SLC26A2: variants seen among roughly 807,000 people sequenced by gnomAD.
SLC26A2 encodes the protein sulfate transporter.
Under a neutral mutation model 41.1 loss-of-function variants are expected in SLC26A2, and 36 were observed. The ratio of observed to expected loss-of-function variants is 0.88; its 90% CI spans 0.67 to 1.16. The LOEUF is 1.16. SLC26A2 is among the 50% of genes most tolerant of loss of function. The pLI, the probability that SLC26A2 is intolerant of heterozygous loss-of-function variation, is 0.00. For missense variants in SLC26A2, 796 were observed against 869.6 expected, an observed-to-expected ratio of 0.92 and a Z score of 1.07; for synonymous variants, 291 against 311.6, an observed-to-expected ratio of 0.93 and a Z score of 0.70.
Position 149,982,656 on chromosome 5 carries a change from T to C in SLC26A2, c.*843T>C, listed in dbSNP as rs914697962. ...TTCAGTTATTCTAGTTTGTTTCCCA[T>C]GGAATCTGTCCTAAACTGGTGTTTT... On this transcript the variant is annotated 3_prime_UTR_variant, in exon 3 of 3. Transcript: ENST00000286298. 1 of 152,228 alleles carries C rather than the reference T, an allele frequency of 6.6e-6. No individual in the cohort carries two copies. The highest frequency in any genetic ancestry group is 2.4e-5 in the African/African-American group (1 of 41,452). 9.4% of individuals were successfully genotyped at this position (152,228 alleles called of 1,614,324 possible). A position where few individuals can be genotyped will look rare whatever the true frequency, so the allele number is the denominator to read the frequency against.
chr5:149,969,722 C>A (rs891490089), intron 1 of SLC26A2, among the ~76,000 whole-genome samples: 1 of 152,212 alleles, frequency 6.6e-6, no homozygotes, highest in Admixed American at 6.5e-5. Context: ...ATCCTTCACT[C>A]CAGCCTTATC....
rs769575035 is a variant in SLC26A2, at chr5:149,980,994, C to T, written c.1401C>T (p.Val467=). 7 of 1,614,070 alleles carry T rather than the reference C, an allele frequency of 4.3e-6. No individual in the cohort carries two copies. The highest frequency in any genetic ancestry group is 5.1e-6 in the Non-Finnish European group (6 of 1,179,972). Residue 467 remains valine (V), a synonymous_variant, in exon 3 of 3, where the codon GTC becomes GTT. Transcript: ENST00000286298. The part of the protein sequence containing the change: ...GVVTALVLLL[V]LLVIAPLFYS... ...TAACAGCCCTGGTTCTTTTGTTGGT[C>T]CTCCTAGTAATAGCTCCTTTGTTCT...
At chr5:149,971,565 G>A (rs1035290372) in intron 1 of SLC26A2, among the ~76,000 whole-genome samples, 9 of 151,806 alleles carry the variant, frequency 5.9e-5, no homozygotes, top group Non-Finnish European at 1.5e-5. Context: ...ACGCCTGGCT[G>A]ACTTTTCTAT....
Position 149,981,004 on chromosome 5 carries a change from A to C in SLC26A2, c.1411A>C (p.Ile471Leu), listed in dbSNP as rs1203147428. 3 of 1,614,024 alleles carry C rather than the reference A, an allele frequency of 1.9e-6. No individual in the cohort carries two copies. In the African/African-American group the frequency reaches 4.0e-5, roughly 22 times the overall value. The change falls in exon 3 of 3, where the codon ATA (isoleucine) becomes CTA (leucine). Residue 471 changes from isoleucine to leucine, a missense_variant. Coordinates refer to ENST00000286298, the MANE Select transcript of SLC26A2 (RefSeq NM_000112.4). Reference protein sequence around the residue: ...ALVLLLVLLVIAPLFYSLQKS... With the variant: ...ALVLLLVLLVLAPLFYSLQKS... ...GGTTCTTTTGTTGGTCCTCCTAGTA[A>C]TAGCTCCTTTGTTCTATTCCCTTCA...
intron 2 of SLC26A2, among the ~76,000 whole-genome samples, chr5:149,979,049 A>G (rs896505852): frequency 6.6e-6 from 1 of 151,910 alleles, no homozygotes; most frequent in African/African-American, 2.4e-5. Flanking sequence ...CCTTCCATTA[A>G]AATTGCTGAT....
Position 149,986,249 on chromosome 5 carries a change from G to C in SLC26A2, c.*4436G>C, listed in dbSNP as rs1216118854. The C allele has an allele frequency of 6.9e-6, 1 of 144,912 alleles. No individual in the cohort carries two copies. The highest frequency in any genetic ancestry group is 1.5e-5 in the Non-Finnish European group (1 of 66,962). The allele number at this position is 144,912 out of a possible 1,614,324, so 9.0% of individuals were successfully genotyped here. On this transcript the variant is annotated 3_prime_UTR_variant, in exon 3 of 3. Coordinates refer to ENST00000286298, the MANE Select transcript of SLC26A2 (RefSeq NM_000112.4). ...GTTTTTTTAATTAAAAAAATAGAAA[G>C]CTGTTAGGCTCCTAATTCGTGGGGT... is the stretch of plus-strand genomic sequence containing the variant.
chr5:149,971,720 C>T (rs942344736), intron 1 of SLC26A2, among the ~76,000 whole-genome samples: 3 of 152,120 alleles, frequency 2.0e-5, no homozygotes, highest in Non-Finnish European at 2.9e-5. Context: ...TTTCTAAAAC[C>T]ACCTTCAACT....
chr5:149,964,313 G>A (rs567269136), intron 1 of SLC26A2, among the ~76,000 whole-genome samples: 5 of 152,068 alleles, frequency 3.3e-5, no homozygotes, highest in East Asian at 1.9e-4. Flanking sequence ...ACAACACGGC[G>A]AAAACCTGTC....
intron 1 of SLC26A2, among the ~76,000 whole-genome samples, chr5:149,963,210 A>G (rs1474539621): frequency 2.0e-5 from 3 of 150,214 alleles, no homozygotes; most frequent in East Asian, 2.0e-4. Context: ...CCTGGGTTCA[A>G]GTGATTCTCC....
In SLC26A2 at chr5:149,967,629, T is replaced by G. The variant is rs547537850; in HGVS notation, c.-26+6650T>G. ...TACGTGCACAATGGTGTGTAACCATTACTACTATTTATTTCCAAAACTTGA... is the reference window on the plus strand; with the variant it reads ...TACGTGCACAATGGTGTGTAACCATGACTACTATTTATTTCCAAAACTTGA... On this transcript the variant is annotated intron_variant, in intron 1 of 2. Transcript: ENST00000286298. Among the ~76,000 whole-genome samples, 180 of 152,330 alleles carry G rather than the reference T, an allele frequency of 1.2e-3. 2 individuals carry two copies. The highest frequency in any genetic ancestry group is 0.01 in the Middle Eastern group (3 of 294).
chr5:149,965,095 T>G (rs995804616), intron 1 of SLC26A2, among the ~76,000 whole-genome samples: 1 of 152,188 alleles, frequency 6.6e-6, no homozygotes, highest in Non-Finnish European at 1.5e-5. Flanking sequence ...TTTCAACTTT[T>G]CTGAAGATTT....
chr5:149,971,557 G>A (rs1362208887), intron 1 of SLC26A2, among the ~76,000 whole-genome samples: 1 of 152,072 alleles, frequency 6.6e-6, no homozygotes, highest in Middle Eastern at 3.4e-3. Context: ...GCGCCACCAC[G>A]CCTGGCTGAC....
chr5:149,980,254 T>C, intron 2 of SLC26A2, 39 bp from the exon 3 acceptor site: 2 of 1,520,316 alleles, frequency 1.3e-6, no homozygotes, highest in South Asian at 1.1e-5. Context: ...AGAAGTTCTT[T>C]TCCATTTATA....
At position 149,981,821 on chromosome 5, in the gene SLC26A2, G is replaced by C. The variant is rs377375559; in HGVS notation, c.*8G>C. ...AGTCTTAGTAGTGATTAATTGAGAA[G>C]GTAGATAGAAGAATGTCTAGCCAAT... is the stretch of plus-strand genomic sequence containing the variant. On this transcript the variant is annotated 3_prime_UTR_variant, in exon 3 of 3. Coordinates refer to ENST00000286298, the MANE Select transcript of SLC26A2 (RefSeq NM_000112.4). 4 of 1,594,196 alleles carry C rather than the reference G, an allele frequency of 2.5e-6. No homozygotes were observed. Among genetic ancestry groups the C allele is most frequent in the Non-Finnish European group, 3.4e-6 (4 of 1,163,612 alleles).
chr5:149,972,678 A>G (rs1349637706), intron 1 of SLC26A2, among the ~76,000 whole-genome samples: 1 of 152,176 alleles, frequency 6.6e-6, no homozygotes. Context: ...ATGTCTTTAT[A>G]TTTAAAGTGG....
At chr5:149,966,939 G>A (rs568379321) in intron 1 of SLC26A2, among the ~76,000 whole-genome samples, 44 of 152,312 alleles carry the variant, frequency 2.9e-4, no homozygotes, top group Non-Finnish European at 3.7e-4. Flanking sequence ...CCAAGGCTGC[G>A]TATCCAGAGT....
At chr5:149,961,433 CA>C (rs2113684122) in intron 1 of SLC26A2, among the ~76,000 whole-genome samples, 1 of 152,346 alleles carries the variant, frequency 6.6e-6, no homozygotes, top group East Asian at 1.9e-4. Flanking sequence ...CGATTAAGTA[CA>C]AAATCAGGAC....
intron 1 of SLC26A2, among the ~76,000 whole-genome samples, chr5:149,963,738 CTTTTTT>C (rs761075019): frequency 5.1e-5 from 4 of 78,266 alleles, no homozygotes; most frequent in South Asian, 4.8e-4. Flanking sequence ...ATTTGTTTAA[CTTTTTT>C]TTTTTTTTTT....
At position 149,978,226 on chromosome 5, in the gene SLC26A2, C is replaced by T; in HGVS notation, c.574C>T (p.Pro192Ser). Residue 192 changes from proline (P) to serine (S), a missense_variant, in exon 2 of 3, where the codon CCT (proline) becomes TCT (serine). Physicochemically the swap from Pro to Ser is moderately conservative, Grantham distance 74. Coordinates refer to ENST00000286298, the MANE Select transcript of SLC26A2 (RefSeq NM_000112.4). ...KAGYDNAHSA[P>S]SLGMVSNGST... The stretch of plus-strand genomic sequence containing the variant: ...TGGCTATGACAATGCCCATAGTGCT[C>T]CTTCCTTAGGAATGGTTTCAAATGG... 6.2e-7 allele frequency: 1 copy of T among 1,614,070 alleles called. No homozygotes were observed. The highest frequency in any genetic ancestry group is 8.5e-7 in the Non-Finnish European group (1 of 1,179,986).
Sources: gnomAD v4.1 joint callset for allele counts (sites outside exome capture counted in the v4.1 genomes callset) on GRCh38, gnomAD v4.1.1 for gene constraint, MANE v1.5 for transcripts, NCBI Gene and HGNC (gene_info 2026-07-23, HGNC 2026-07-21) for gene names.